The following COL16A1 variants were observed in gnomAD, a reference collection of about 807,000 sequenced individuals.
The protein encoded by COL16A1 is collagen alpha-1(XVI) chain.
In COL16A1, 189 loss-of-function variants were observed where a neutral mutation model predicts 266.3. The observed-to-expected ratio is 0.71, with a 90% confidence interval of 0.63 to 0.80. The LOEUF is 0.80. Among genes scored for constraint, COL16A1 ranks in the 30% least tolerant of loss-of-function variants. COL16A1 has a pLI of 0.00. For missense variants in COL16A1, 1,928 were observed against 2,122.4 expected (o/e 0.91, Z 1.80); for synonymous variants, 740 against 782.3 (o/e 0.95, Z 0.90).
intron 43 of COL16A1, 54 bp from the exon 44 acceptor site, chr1:31,675,093 C>T (rs1643070275): frequency 3.1e-6 from 5 of 1,612,058 alleles, no homozygotes; most frequent in Non-Finnish European, 4.2e-6. Flanking sequence ...AACATGGAGA[C>T]TTATGGGATC....
intron 10 of COL16A1, 116 bp from the exon 11 acceptor site, chr1:31,695,337 G>A (rs1480795422): frequency 2.0e-6 from 2 of 992,196 alleles, no homozygotes; most frequent in Non-Finnish European, 3.1e-6. Context: ...GAATCTGAGG[G>A]GAGCCTGAAG....
chr1:31,695,539 C>T (rs1644459021), intron 10 of COL16A1, among the ~76,000 whole-genome samples: 1 of 152,126 alleles, frequency 6.6e-6, no homozygotes, highest in Admixed American at 6.5e-5. Context: ...CCATGATGCC[C>T]GTGGCCATTT....
At chr1:31,658,036 C>T (rs1224310231) in intron 64 of COL16A1, among the ~76,000 whole-genome samples, 1 of 152,256 alleles carries the variant, frequency 6.6e-6, no homozygotes, top group Non-Finnish European at 1.5e-5. Flanking sequence ...ACTTAGTCCA[C>T]CATTCGGCAC....
In COL16A1 at chr1:31,697,912, A is replaced by G. The variant is rs1293974155; in HGVS notation, c.651T>C (p.Pro217=). 6.2e-7 allele frequency: 1 copy of G among 1,609,708 alleles called. No homozygotes were observed. Among genetic ancestry groups the G allele is most frequent in the African/African-American group, 1.3e-5 (1 of 74,796 alleles). The change falls in exon 6 of 71, where the codon CCT becomes CCC. Residue 217 remains proline (P), a synonymous_variant. Transcript: ENST00000373672. This position sits in a 1 kb window ranked among gnomAD's most constrained non-coding sequence, Gnocchi z 4.2. The part of the protein sequence containing the change: ...FLGLDAEQGK[P]VSFDLQQVHI... ...GGCCTGACCTAGCACTCACCGAGAC[A>G]GGCTTGCCCTGCTCAGCATCCAAGC...
rs765056151 is a variant in COL16A1, at chr1:31,688,733, T to C, written c.1767+128A>G. The C allele has an allele frequency of 7.1e-5, 81 of 1,146,696 alleles. No individual in the cohort carries two copies. The highest frequency in any genetic ancestry group is 1.0e-4 in the Non-Finnish European group (80 of 797,310). 71.0% of individuals were successfully genotyped at this position (1,146,696 alleles called of 1,614,324 possible). A position where few individuals can be genotyped will look rare whatever the true frequency, so the allele number is the denominator to read the frequency against. On this transcript the variant is annotated intron_variant, in intron 25 of 70. Coordinates refer to ENST00000373672, the MANE Select transcript of COL16A1 (RefSeq NM_001856.4). The surrounding 1 kb of genome is among the most constrained non-coding windows in gnomAD (Gnocchi z 4.9). ...GGAGGGAGGGACCAGGAGACAGGCC[T>C]GGGACACCTGCCTCTTCCCCTCCCT...
At chr1:31,672,085 G>A (rs796977710) in intron 47 of COL16A1, among the ~76,000 whole-genome samples, 5 of 152,316 alleles carry the variant, frequency 3.3e-5, no homozygotes, top group African/African-American at 1.2e-4. Context: ...AAGGGGACTG[G>A]AGGCTCTGGG....
In COL16A1 at chr1:31,683,336, G is replaced by C; in HGVS notation, c.2413C>G (p.Gln805Glu). ...CTTCAGGACTCAGGCAGACGTACCTGAATGCCAGGCAAACCCGGGGCTCCA... is the reference window on the plus strand; with the variant it reads ...CTTCAGGACTCAGGCAGACGTACCTCAATGCCAGGCAAACCCGGGGCTCCA... ...EPGAPGLPGI[Q>E]GLPGPRGPPG... The change falls in exon 35 of 71, where the codon CAG (glutamine) becomes GAG (glutamate). Residue 805 changes from glutamine (Q) to glutamate (E), a missense_variant and splice_region_variant. Coordinates refer to ENST00000373672, the MANE Select transcript of COL16A1 (RefSeq NM_001856.4). 1 of 1,614,202 alleles carries C rather than the reference G, an allele frequency of 6.2e-7. No homozygotes were observed. The highest frequency in any genetic ancestry group is 2.2e-5 in the East Asian group (1 of 44,890).
At chr1:31,667,153 A>G (rs991367277) in intron 52 of COL16A1, among the ~76,000 whole-genome samples, 1 of 152,144 alleles carries the variant, frequency 6.6e-6, no homozygotes, top group African/African-American at 2.4e-5. Flanking sequence ...TTCCACCACT[A>G]CCTCACTCAC....
chr1:31,693,955 G>A (rs1485802066), intron 12 of COL16A1, among the ~76,000 whole-genome samples, 189 bp downstream of exon 12: 1 of 152,194 alleles, frequency 6.6e-6, no homozygotes. Flanking sequence ...CCTCAGAAAA[G>A]GGCAGCTCTT....
chr1:31,660,456 C>T lies in COL16A1; in HGVS notation c.3879+129G>A. 6 of 1,211,360 alleles carry T rather than the reference C, an allele frequency of 5.0e-6. No individual in the cohort carries two copies. In the South Asian group the frequency reaches 9.8e-5, roughly 20 times the overall value. 75.0% of individuals were successfully genotyped at this position (1,211,360 alleles called of 1,614,324 possible). On this transcript the variant is annotated intron_variant, in intron 62 of 70. Coordinates refer to ENST00000373672, the MANE Select transcript of COL16A1 (RefSeq NM_001856.4). ...GCCTGGAAACCACAGAAGGAGTGGC[C>T]CCCGTGCTCCCACGGCTGGGGCAGC...
Position 31,670,734 on chromosome 1 carries a change from G to T in COL16A1, c.3151-88C>A. ...GCACAGTCTGGGGCTTGGGGGTCAT[G>T]GGGAGAGGAGGTCATGGGAGTATTT... On this transcript the variant is annotated intron_variant, in intron 48 of 70. Transcript: ENST00000373672. This position sits in a 1 kb window ranked among gnomAD's most constrained non-coding sequence, Gnocchi z 4.5. The T allele has an allele frequency of 9.0e-7, 1 of 1,108,984 alleles. No homozygotes were observed. The highest frequency in any genetic ancestry group is 1.2e-6 in the Non-Finnish European group (1 of 825,918). 68.7% of individuals were successfully genotyped at this position (1,108,984 alleles called of 1,614,324 possible).
intron 4 of COL16A1, among the ~76,000 whole-genome samples, chr1:31,699,471 G>A (rs1312978610): frequency 6.6e-6 from 1 of 152,074 alleles, no homozygotes; most frequent in African/African-American, 2.4e-5. Flanking sequence ...CACACACATG[G>A]GTGCACACAC....
chr1:31,691,351 TC>T, intron 19 of COL16A1, 65 bp downstream of exon 19: 1 of 1,583,248 alleles, frequency 6.3e-7, no homozygotes. Context: ...CCCCGTTCAT[TC>T]CCTGGCCAGG....
chr1:31,696,785 G>T (rs1644521068), intron 8 of COL16A1, among the ~76,000 whole-genome samples, 178 bp downstream of exon 8: 1 of 152,212 alleles, frequency 6.6e-6, no homozygotes, highest in Admixed American at 6.5e-5. Context: ...TGGCCAGTGG[G>T]CTGTCTCTGC....
chr1:31,684,429 C>T, intron 31 of COL16A1, 94 bp downstream of exon 31: 1 of 1,536,896 alleles, frequency 6.5e-7, no homozygotes, highest in African/African-American at 1.4e-5. Context: ...CCGTTAAGGC[C>T]CCAGCTGGCC....
Position 31,672,790 on chromosome 1 carries a change from G to T in COL16A1, c.2910C>A (p.Leu970=), listed in dbSNP as rs1413642737. The T allele has an allele frequency of 6.2e-7, 1 of 1,614,138 alleles. No individual in the cohort carries two copies. Among genetic ancestry groups the T allele is most frequent in the East Asian group, 2.2e-5 (1 of 44,866 alleles). ...VQGQRAHPGY[L]VEKGEKGDQG... ...GGTCTCCCTTCTCTCCCTTCTCCAC[G>T]AGGTACCCTGGGTGGGCCCTCTGCC... Residue 970 remains leucine (L), a synonymous_variant, in exon 45 of 71, where the codon CTC becomes CTA. Transcript: ENST00000373672.
intron 62 of COL16A1, 107 bp downstream of exon 62, chr1:31,660,478 C>T (rs750826711): frequency 2.0e-6 from 3 of 1,470,306 alleles, no homozygotes; most frequent in Non-Finnish European, 2.8e-6. Context: ...ACGGCTGGGG[C>T]AGCCCCTATG....
chr1:31,662,377 C>T lies in COL16A1; in HGVS notation c.3638G>A (p.Gly1213Asp), dbSNP rs1272874976. ...GTCCTTCCCATCCAAACCATCCAGA[C>T]CGGCGGGGCCCTGGAAACAGGAAAG... ...PGPPGIQGPA[G>D]LDGLDGKDGK... Residue 1213 changes from glycine (G) to aspartate (D), a missense_variant, in exon 58 of 71, where the codon GGT becomes GAT. By Grantham distance (94) the Gly-to-Asp change is moderately conservative. Transcript: ENST00000373672. The T allele has an allele frequency of 6.3e-7, 1 of 1,595,240 alleles. No individual in the cohort carries two copies.
Position 31,662,676 on chromosome 1 carries a change from C to CGCGCCG in COL16A1, c.3556-19_3556-18insCGGCGC. On this transcript the variant is annotated intron_variant, in intron 56 of 70. Coordinates refer to ENST00000373672, the MANE Select transcript of COL16A1 (RefSeq NM_001856.4). ...TCGCTGCCCTGGAAACCAGCGCCGC[C>CGCGCCG]CCCCCCCCCCGCCCCACAATAAAGT... 1.0e-6 allele frequency: 1 copy of CGCGCCG among 983,226 alleles called. No homozygotes were observed. The highest frequency in any genetic ancestry group is 2.8e-5 in the East Asian group (1 of 35,418). 60.9% of individuals were successfully genotyped at this position (983,226 alleles called of 1,614,324 possible).
Sources: gnomAD v4.1 joint callset for allele counts (sites outside exome capture counted in the v4.1 genomes callset) on GRCh38, gnomAD v4.1.1 for gene constraint, Gnocchi (gnomAD v3.1) non-coding constraint, MANE v1.5 for transcripts, NCBI Gene and HGNC (gene_info 2026-07-23, HGNC 2026-07-21) for gene names.